Variants in E2F3 observed in about 807,000 individuals in gnomAD.
E2F3 encodes the protein E2F transcription factor 3, also known as transcription factor E2F3.
A neutral mutation model predicts 44.4 loss-of-function variants in E2F3; 11 were observed. The ratio of observed to expected loss-of-function variants is 0.25; its 90% CI spans 0.16 to 0.41. The LOEUF (loss-of-function observed/expected upper bound fraction) is 0.41. Among genes scored for constraint, E2F3 ranks in the 10% least tolerant of loss-of-function variants. The probability of loss-of-function intolerance (pLI) is 1.00; values close to 1 mark genes in which losing one functional copy is unlikely to be tolerated. For missense variants in E2F3, 487 were observed against 583.6 expected (o/e 0.83, Z 1.70); for synonymous variants, 249 against 253.0 (o/e 0.98, Z 0.15).
chr6:20,421,404 A>G (rs996174647), intron 1 of E2F3, among the ~76,000 whole-genome samples: 2 of 152,206 alleles, frequency 1.3e-5, no homozygotes, highest in East Asian at 1.9e-4. Context: ...AAATAATAAG[A>G]CTAGAAATTC....
chr6:20,460,112 C>T (rs544631675), intron 1 of E2F3, among the ~76,000 whole-genome samples: 3 of 152,324 alleles, frequency 2.0e-5, no homozygotes, highest in East Asian at 1.9e-4. Flanking sequence ...AGGCTTCCCA[C>T]GACTTGTCTC....
chr6:20,440,223 T>G (rs1277249052), intron 1 of E2F3: 1 of 152,232 alleles, frequency 6.6e-6, no homozygotes, highest in African/African-American at 2.4e-5. Flanking sequence ...CACAAATACT[T>G]AACCAAGGCA....
At chr6:20,413,799 C>T (rs868576123) in intron 1 of E2F3, among the ~76,000 whole-genome samples, 15 of 151,982 alleles carry the variant, frequency 9.9e-5, no homozygotes, top group Admixed American at 2.6e-4. Context: ...AGAGTACGGG[C>T]GCTATTGAGT....
At chr6:20,404,651 G>C (rs575081880) in intron 1 of E2F3, among the ~76,000 whole-genome samples, 2 of 152,290 alleles carry the variant, frequency 1.3e-5, no homozygotes, top group South Asian at 4.1e-4. Flanking sequence ...CCCCGGGTTC[G>C]GTCTTAACTG....
chr6:20,421,692 G>A (rs1019933357), intron 1 of E2F3: 4 of 152,170 alleles, frequency 2.6e-5, no homozygotes, highest in South Asian at 2.1e-4. Flanking sequence ...TCTTTTTTCT[G>A]ACCTGGGCTG....
intron 1 of E2F3, among the ~76,000 whole-genome samples, chr6:20,404,863 T>C (rs1437981137): frequency 6.6e-6 from 1 of 152,238 alleles, no homozygotes; most frequent in Admixed American, 6.5e-5. Flanking sequence ...TCTTACTGAC[T>C]TGACCTAAGC....
intron 1 of E2F3, among the ~76,000 whole-genome samples, chr6:20,467,956 C>T (rs1761767979): frequency 6.6e-6 from 1 of 151,792 alleles, no homozygotes; most frequent in African/African-American, 2.4e-5. Flanking sequence ...CCCCCCAACC[C>T]CTTTATCTGT....
At chr6:20,468,891 C>T (rs772302139) in intron 1 of E2F3, among the ~76,000 whole-genome samples, 3 of 152,178 alleles carry the variant, frequency 2.0e-5, no homozygotes, top group Non-Finnish European at 2.9e-5. Flanking sequence ...CAGATGTTCA[C>T]CTCGGGCATC....
intron 1 of E2F3, among the ~76,000 whole-genome samples, chr6:20,405,080 A>T: frequency 6.6e-6 from 1 of 152,174 alleles, no homozygotes; most frequent in Admixed American, 6.5e-5. Flanking sequence ...GGTCCCTAAG[A>T]CTATCTTTCA....
intron 1 of E2F3, among the ~76,000 whole-genome samples, chr6:20,418,220 A>G (rs1181882988): frequency 6.6e-6 from 1 of 152,206 alleles, no homozygotes; most frequent in African/African-American, 2.4e-5. Context: ...TGTGGAGTGA[A>G]AGAAATGGGA....
chr6:20,488,216 A>G lies in E2F3; in HGVS notation c.1103A>G (p.His368Arg). Residue 368 changes from histidine (H) to arginine (R), a missense_variant, in exon 6 of 7, where the codon CAC (histidine) becomes CGC (arginine). By Grantham distance (29) the His-to-Arg change is conservative. Transcript: ENST00000346618. The part of the protein sequence containing the change: ...HSPMKTNNQD[H>R]NGNIPKPASK... ...CCAATGAAAACAAACAACCAAGACC[A>G]CAATGGGAATATCCCTAAACCCGCT... 1 of 1,607,506 alleles carries G rather than the reference A, an allele frequency of 6.2e-7. No individual in the cohort carries two copies. The highest frequency in any genetic ancestry group is 1.1e-5 in the South Asian group (1 of 89,074).
intron 1 of E2F3, among the ~76,000 whole-genome samples, chr6:20,458,867 C>T: frequency 6.6e-6 from 1 of 152,222 alleles, no homozygotes; most frequent in East Asian, 1.9e-4. Flanking sequence ...TCGGATGACT[C>T]TGTCACCTCA....
At chr6:20,465,756 A>T (rs569863672) in intron 1 of E2F3, among the ~76,000 whole-genome samples, 1 of 152,332 alleles carries the variant, frequency 6.6e-6, no homozygotes, top group South Asian at 2.1e-4. Flanking sequence ...AATCTCATCC[A>T]GGTAGCTGCA....
At chr6:20,435,065 A>G (rs567946672) in intron 1 of E2F3, among the ~76,000 whole-genome samples, 1 of 152,164 alleles carries the variant, frequency 6.6e-6, no homozygotes, top group Non-Finnish European at 1.5e-5. Flanking sequence ...GTCCTGCTGG[A>G]TTATTTAAGA....
chr6:20,474,953 C>G (rs1347341388), intron 1 of E2F3, among the ~76,000 whole-genome samples: 1 of 152,186 alleles, frequency 6.6e-6, no homozygotes, highest in South Asian at 2.1e-4. Flanking sequence ...ACATAAAGTG[C>G]TCACCTCCTG....
At chr6:20,431,330 C>T (rs1204077020) in intron 1 of E2F3, among the ~76,000 whole-genome samples, 1 of 152,174 alleles carries the variant, frequency 6.6e-6, no homozygotes, top group Non-Finnish European at 1.5e-5. Flanking sequence ...GCTGCATCAA[C>T]GGTGATCTGC....
chr6:20,488,273 A>G, intron 6 of E2F3, 25 bp downstream of exon 6: 1 of 1,564,496 alleles, frequency 6.4e-7, no homozygotes, highest in Non-Finnish European at 8.6e-7. Flanking sequence ...TTTGTCTTTT[A>G]GAAACTATGT....
chr6:20,414,054 G>A (rs998957602), intron 1 of E2F3, among the ~76,000 whole-genome samples: 2 of 152,102 alleles, frequency 1.3e-5, no homozygotes, highest in African/African-American at 4.8e-5. Context: ...TTTTCTGAGG[G>A]GCTAAGGCTG....
chr6:20,402,227 C>G lies in E2F3; in HGVS notation c.-6C>G. On this transcript the variant is annotated 5_prime_UTR_variant, in exon 1 of 7. Coordinates refer to ENST00000346618, the MANE Select transcript of E2F3 (RefSeq NM_001949.5). The surrounding 1 kb of genome is among the most constrained non-coding windows in gnomAD (Gnocchi z 5.6). ...ACCATAACACTAAAAAGAGCAGGAG[C>G]GAGAGATGAGAAAGGGAATCCAGCC... is the stretch of plus-strand genomic sequence containing the variant. 6.3e-7 allele frequency: 1 copy of G among 1,584,642 alleles called. No individual in the cohort carries two copies. The highest frequency in any genetic ancestry group is 1.1e-5 in the South Asian group (1 of 86,968).
Sources: gnomAD v4.1 joint callset for allele counts (sites outside exome capture counted in the v4.1 genomes callset) on GRCh38, gnomAD v4.1.1 for gene constraint, Gnocchi (gnomAD v3.1) non-coding constraint, MANE v1.5 for transcripts, NCBI Gene and HGNC (gene_info 2026-07-23, HGNC 2026-07-21) for gene names.